CCN4: variants seen among roughly 807,000 people sequenced by gnomAD.
The protein encoded by CCN4 is cellular communication network factor 4, also known as CCN family member 4.
Under a neutral mutation model 36.7 loss-of-function variants are expected in CCN4, and 30 were observed. That is an observed-to-expected ratio of 0.82 (90% CI 0.61 to 1.11). The LOEUF is 1.11. Ranked by LOEUF, CCN4 falls within the 50% of genes least tolerant of loss-of-function variation. The pLI is 0.00. For missense variants in CCN4, 505 were observed against 504.9 expected, an observed-to-expected ratio of 1.00 and a Z score of 0.00; for synonymous variants, 191 against 195.4, an observed-to-expected ratio of 0.98 and a Z score of 0.19.
intron 1 of CCN4, among the ~76,000 whole-genome samples, chr8:133,205,534 G>A (rs1384677151): frequency 1.3e-5 from 2 of 152,146 alleles, no homozygotes; most frequent in East Asian, 1.9e-4. Context: ...TGCAGAACAG[G>A]CCCAGGCACC....
intron 2 of CCN4, among the ~76,000 whole-genome samples, chr8:133,214,860 T>C (rs1854262996): frequency 6.6e-6 from 1 of 152,208 alleles, no homozygotes; most frequent in Non-Finnish European, 1.5e-5. Flanking sequence ...ACGTAGTCTC[T>C]CATCCTCAGC....
intron 2 of CCN4, 143 bp from the exon 3 acceptor site, chr8:133,220,432 CTGCCTT>C: frequency 1.7e-6 from 2 of 1,175,094 alleles, no homozygotes; most frequent in Non-Finnish European, 1.2e-6. Context: ...TCACACCTCC[CTGCCTT>C]TGCCTTTGTG....
intron 2 of CCN4, among the ~76,000 whole-genome samples, chr8:133,215,275 T>G (rs1045600261): frequency 6.6e-6 from 1 of 152,188 alleles, no homozygotes; most frequent in South Asian, 2.1e-4. Flanking sequence ...GTGATTCTCA[T>G]GCATGCTAAA....
intron 3 of CCN4, among the ~76,000 whole-genome samples, chr8:133,221,715 G>C (rs1321147104): frequency 6.8e-6 from 1 of 148,036 alleles, no homozygotes; most frequent in Non-Finnish European, 1.5e-5. Flanking sequence ...ATAGACAGAT[G>C]AATGTATGAA....
intron 1 of CCN4, among the ~76,000 whole-genome samples, chr8:133,193,357 T>G (rs1379714160): frequency 6.6e-6 from 1 of 152,160 alleles, no homozygotes; most frequent in Non-Finnish European, 1.5e-5. Context: ...CTGTAAAGAT[T>G]CTGCAGTGGA....
intron 1 of CCN4, among the ~76,000 whole-genome samples, chr8:133,204,766 G>T (rs538546007): frequency 8.9e-4 from 136 of 152,326 alleles, no homozygotes; most frequent in Non-Finnish European, 1.1e-3. Flanking sequence ...TGTTGGCCAG[G>T]CTGGTCTCGA....
intron 1 of CCN4, among the ~76,000 whole-genome samples, chr8:133,193,812 T>C (rs1043944339): frequency 4.6e-5 from 7 of 152,214 alleles, no homozygotes; most frequent in Non-Finnish European, 1.0e-4. Context: ...TGTAGCCTCC[T>C]GCCTCCCTGG....
chr8:133,220,205 C>T (rs1854466951), intron 2 of CCN4, among the ~76,000 whole-genome samples: 1 of 151,534 alleles, frequency 6.6e-6, no homozygotes, highest in Admixed American at 6.6e-5. Context: ...TTTTTTTTTA[C>T]AAGTCGGTCA....
At chr8:133,213,949 G>GTTATATATACTATATATAACTATATA in intron 2 of CCN4, among the ~76,000 whole-genome samples, 1 of 3,384 alleles carries the variant, frequency 3.0e-4, no homozygotes, top group African/African-American at 7.0e-4. Context: ...ACTATATATA[G>GTTATATATACTATATATAACTATATA]TAGTTATATA....
intron 1 of CCN4, among the ~76,000 whole-genome samples, chr8:133,201,061 G>A (rs189641192): frequency 3.0e-4 from 45 of 152,138 alleles, no homozygotes; most frequent in African/African-American, 9.2e-4. Flanking sequence ...TCTCATCCTC[G>A]TAGCCCTTAC....
chr8:133,194,772 TG>T (rs1033946387), intron 1 of CCN4, among the ~76,000 whole-genome samples: 7 of 65,744 alleles, frequency 1.1e-4, no homozygotes, highest in African/African-American at 2.1e-4. Flanking sequence ...CTGGGGTGTG[TG>T]GGGGGGATGT....
At chr8:133,213,310 G>A (rs1042729143) in intron 2 of CCN4, among the ~76,000 whole-genome samples, 167 bp downstream of exon 2, 12 of 152,136 alleles carry the variant, frequency 7.9e-5, no homozygotes, top group African/African-American at 2.9e-4. Flanking sequence ...CCTGGGAAGG[G>A]GAGGCAAGGA....
chr8:133,210,386 G>GGT (rs71299053), intron 1 of CCN4, among the ~76,000 whole-genome samples: 12,323 of 145,554 alleles, frequency 0.085, 550 homozygotes, highest in African/African-American at 0.13. Flanking sequence ...CAAAAAGAGG[G>GGT]GTGTGTGTGT....
intron 1 of CCN4, among the ~76,000 whole-genome samples, chr8:133,196,383 T>C (rs923332556): frequency 2.6e-5 from 4 of 152,252 alleles, no homozygotes; most frequent in African/African-American, 9.6e-5. Context: ...AATTTTTATA[T>C]TAACTCCATA....
intron 1 of CCN4, among the ~76,000 whole-genome samples, chr8:133,204,491 A>G (rs529351395): frequency 1.3e-5 from 2 of 152,332 alleles, no homozygotes; most frequent in African/African-American, 2.4e-5. Context: ...AAAATTCCCA[A>G]GGGTTGCTGG....
intron 1 of CCN4, among the ~76,000 whole-genome samples, chr8:133,209,261 C>T (rs552905729): frequency 6.6e-6 from 1 of 152,318 alleles, no homozygotes; most frequent in African/African-American, 2.4e-5. Flanking sequence ...GACCCAAATC[C>T]TAGGTAAGCG....
rs548581128 is a variant in CCN4, at chr8:133,229,520, C to T, written c.*1810C>T. On this transcript the variant is annotated 3_prime_UTR_variant, in exon 5 of 5. Coordinates refer to ENST00000250160, the MANE Select transcript of CCN4 (RefSeq NM_003882.4). ...CACATTTAAAAGATGATTCTGTTTA[C>T]CCAATGCTGCATATTGAATGTTGTG... The T allele has an allele frequency of 6.6e-6, 1 of 152,192 alleles. No homozygotes were observed. The highest frequency in any genetic ancestry group is 1.5e-5 in the Non-Finnish European group (1 of 68,036). 9.4% of individuals were successfully genotyped at this position (152,192 alleles called of 1,614,324 possible). A position where few individuals can be genotyped will look rare whatever the true frequency, so the allele number is the denominator to read the frequency against.
chr8:133,220,601 G>A lies in CCN4; in HGVS notation c.370G>A (p.Val124Ile), dbSNP rs201239472. 29 of 1,613,886 alleles carry A rather than the reference G, an allele frequency of 1.8e-5. No homozygotes were observed. The highest frequency in any genetic ancestry group is 1.0e-4 in the Admixed American group (6 of 60,006). ...VCAQVVGVGC[V>I]LDGVRYNNGQ... is the part of the protein sequence containing the mutation. ...TGCAGAGGTGGTCGGTGTGGGCTGC[G>A]TCCTGGATGGGGTGCGCTACAACAA... Residue 124 changes from valine to isoleucine, a missense_variant, in exon 3 of 5, where the codon GTC becomes ATC. By Grantham distance (29) the Val-to-Ile change is conservative (BLOSUM62 3). Coordinates refer to ENST00000250160, the MANE Select transcript of CCN4 (RefSeq NM_003882.4).
At position 133,197,051 on chromosome 8, in the gene CCN4, G is replaced by T. The variant is rs1853413573; in HGVS notation, c.69+5838G>T. Among the ~76,000 whole-genome samples the T allele has an allele frequency of 2.6e-5, 4 of 152,106 alleles. No individual in the cohort carries two copies. The South Asian group carries it at 8.3e-4, about 32-fold the overall frequency. ...TTTAGAGGGTCAGTGAACACTTTTG[G>T]GTTATTGTGTAGGAGAAAGAAATGA... On this transcript the variant is annotated intron_variant, in intron 1 of 4. Coordinates refer to ENST00000250160, the MANE Select transcript of CCN4 (RefSeq NM_003882.4).
Sources: allele counts gnomAD v4.1 joint callset (sites outside exome capture counted in the v4.1 genomes callset), GRCh38; gene constraint gnomAD v4.1.1; transcripts MANE v1.5; gene names NCBI Gene and HGNC (gene_info 2026-07-23, HGNC 2026-07-21).